PMFBP1: variants seen among roughly 807,000 people sequenced by gnomAD.
PMFBP1 encodes polyamine modulated factor 1 binding protein 1.
A neutral mutation model predicts 137.8 loss-of-function variants in PMFBP1; 131 were observed. The ratio of observed to expected loss-of-function variants is 0.95; its 90% CI spans 0.82 to 1.10. The LOEUF is 1.10. Ranked by LOEUF, PMFBP1 falls within the 50% of genes least tolerant of loss-of-function variation. PMFBP1 has a pLI of 0.00. For missense variants in PMFBP1, 1,199 were observed against 1,175.4 expected (o/e 1.02, Z -0.29); for synonymous variants, 490 against 450.4 (o/e 1.09, Z -1.11).
At chr16:72,153,530 C>T (rs549793086) in intron 4 of PMFBP1, among the ~76,000 whole-genome samples, 1 of 152,172 alleles carries the variant, frequency 6.6e-6, no homozygotes, top group Non-Finnish European at 1.5e-5. Context: ...GTTTACTGCA[C>T]CTAGTGCTAT....
chr16:72,136,307 G>A, intron 9 of PMFBP1, 141 bp downstream of exon 9: 2 of 905,010 alleles, frequency 2.2e-6, no homozygotes, highest in Non-Finnish European at 3.4e-6. Context: ...ATTGAGCCTG[G>A]GCCTGAAGAG....
intron 3 of PMFBP1, among the ~76,000 whole-genome samples, chr16:72,156,754 T>C (rs9923344): frequency 0.29 from 43,734 of 151,950 alleles, 6,621 homozygotes; most frequent in South Asian, 0.43. Context: ...CAATTACGAA[T>C]ACTGCTGCTA....
chr16:72,228,989 A>C, the PMFBP1 span, among the ~76,000 whole-genome samples: 5 of 151,908 alleles, frequency 3.3e-5, no homozygotes, highest in African/African-American at 1.2e-4. Context: ...GTAGAGAATG[A>C]TCCTCATTCT....
chr16:72,193,271 T>C, the PMFBP1 span, among the ~76,000 whole-genome samples: 1 of 152,042 alleles, frequency 6.6e-6, no homozygotes, highest in African/African-American at 2.4e-5. Context: ...ACACCTGTAG[T>C]CCTACCTGCT....
chr16:72,216,274 T>C, the PMFBP1 span, among the ~76,000 whole-genome samples: 6 of 152,198 alleles, frequency 3.9e-5, no homozygotes, highest in Non-Finnish European at 8.8e-5. Flanking sequence ...GAACTTTCCA[T>C]TAGGCAGAAA....
intron 3 of PMFBP1, among the ~76,000 whole-genome samples, chr16:72,161,697 G>A (rs947754779): frequency 3.9e-5 from 6 of 152,220 alleles, no homozygotes; most frequent in Admixed American, 6.5e-5. Context: ...TCTAAACTAA[G>A]AAATTAATGT....
the PMFBP1 span, among the ~76,000 whole-genome samples, chr16:72,245,529 A>T: frequency 1.3e-5 from 2 of 152,206 alleles, no homozygotes; most frequent in African/African-American, 2.4e-5. Flanking sequence ...AAAAGGGTGC[A>T]CTGCCTGAAT....
At chr16:72,213,775 T>C in the PMFBP1 span, among the ~76,000 whole-genome samples, 1 of 152,220 alleles carries the variant, frequency 6.6e-6, no homozygotes. Context: ...AAAACTGATA[T>C]GATGGAATCT....
the PMFBP1 span, among the ~76,000 whole-genome samples, chr16:72,213,709 G>C: frequency 6.6e-6 from 1 of 152,206 alleles, no homozygotes; most frequent in Non-Finnish European, 1.5e-5. Flanking sequence ...AAGCTGCAAT[G>C]TTTTGGGGAC....
the PMFBP1 span, among the ~76,000 whole-genome samples, chr16:72,245,973 G>A: frequency 6.6e-6 from 1 of 152,172 alleles, no homozygotes; most frequent in Non-Finnish European, 1.5e-5. Context: ...ATGGCAGAAA[G>A]AGAGATCATG....
the PMFBP1 span, among the ~76,000 whole-genome samples, chr16:72,223,423 C>T: frequency 6.6e-6 from 1 of 152,148 alleles, no homozygotes; most frequent in South Asian, 2.1e-4. Context: ...GCTCTTGTAA[C>T]CCAGAAGATG....
At chr16:72,157,153 C>A (rs9652628) in intron 3 of PMFBP1, among the ~76,000 whole-genome samples, 10,121 of 134,608 alleles carry the variant, frequency 0.075, 435 homozygotes, top group Middle Eastern at 0.13. Context: ...CACTGCACGC[C>A]AGCCTGGGCA....
the PMFBP1 span, among the ~76,000 whole-genome samples, chr16:72,208,461 C>T: frequency 6.6e-6 from 1 of 152,156 alleles, no homozygotes. Context: ...ATTCCTTTTC[C>T]CCCAGCTTAT....
rs146046061 is a variant in PMFBP1, at chr16:72,150,746, C to G, written c.498G>C (p.Leu166Phe). The change falls in exon 5 of 21, where the codon TTG (leucine) becomes TTC (phenylalanine). Residue 166 changes from leucine (L) to phenylalanine (F), a missense_variant. Leu to Phe is a conservative substitution (Grantham distance 22). Coordinates refer to ENST00000237353, the MANE Select transcript of PMFBP1 (RefSeq NM_031293.3). ...CTAGAGAGGCGATCTTGTCCCCGGC[C>G]AAGGCGAGTTGCTCCTGCGCCAAAT... ...KLHLAQEQLA[L>F]AGDKIASLER... is the part of the protein sequence containing the mutation. 1 of 1,614,080 alleles carries G rather than the reference C, an allele frequency of 6.2e-7. No individual in the cohort carries two copies. The highest frequency in any genetic ancestry group is 8.5e-7 in the Non-Finnish European group (1 of 1,180,028).
the PMFBP1 span, among the ~76,000 whole-genome samples, chr16:72,233,384 A>G: frequency 2.0e-5 from 3 of 152,196 alleles, no homozygotes; most frequent in Non-Finnish European, 2.9e-5. Context: ...TCTTCAGAAG[A>G]GATGGTCATC....
Position 72,139,313 on chromosome 16 carries a change from T to C in PMFBP1, c.894A>G (p.Ser298=). 6.2e-7 allele frequency: 1 copy of C among 1,613,968 alleles called. No homozygotes were observed. The highest frequency in any genetic ancestry group is 8.5e-7 in the Non-Finnish European group (1 of 1,179,826). ...CCTTTTTGATGTCTTCACACTCTTC[T>C]GAGGAGCTAGGAGGGTATCTGTGGG... ...TATHRYPPSS[S]EECEDIKKIL... Residue 298 remains serine (S), a synonymous_variant, in exon 7 of 21, where the codon TCA becomes TCG. Transcript: ENST00000237353.
At chr16:72,117,764 C>T (rs192621688), downstream of PMFBP1, among the ~76,000 whole-genome samples, 50 of 152,186 alleles carry the variant, frequency 3.3e-4, no homozygotes, top group African/African-American at 6.7e-4. Flanking sequence ...ATCAGCTGTT[C>T]GAACTACTTT....
At chr16:72,191,789 T>C in the PMFBP1 span, among the ~76,000 whole-genome samples, 1 of 152,230 alleles carries the variant, frequency 6.6e-6, no homozygotes, top group African/African-American at 2.4e-5. Context: ...GAAGAGGCTC[T>C]GTCCTGGCAG....
At chr16:72,206,212 C>G in the PMFBP1 span, among the ~76,000 whole-genome samples, 1 of 152,270 alleles carries the variant, frequency 6.6e-6, no homozygotes, top group Non-Finnish European at 1.5e-5. Context: ...TTCTTGGTCT[C>G]TTTGAGCCTC....
Sources: gnomAD v4.1 joint callset for allele counts (sites outside exome capture counted in the v4.1 genomes callset) on GRCh38, gnomAD v4.1.1 for gene constraint, MANE v1.5 for transcripts, NCBI Gene and HGNC (gene_info 2026-07-23, HGNC 2026-07-21) for gene names.